HPSE2: variants seen among roughly 807,000 people sequenced by gnomAD.
The protein encoded by HPSE2 is heparanase 2 (inactive).
In HPSE2, 38 loss-of-function variants were observed where a neutral mutation model predicts 60.5. The ratio of observed to expected loss-of-function variants is 0.63; its 90% CI spans 0.48 to 0.82. The LOEUF (loss-of-function observed/expected upper bound fraction) is 0.82, where lower values mean the gene tolerates loss of function less well. Among genes scored for constraint, HPSE2 ranks in the 40% least tolerant of loss-of-function variants. HPSE2 has a pLI of 0.00. For synonymous variants in HPSE2, 295 were observed against 293.2 expected (o/e 1.01, Z -0.06); for missense variants, 713 against 740.4 (o/e 0.96, Z 0.43).
intron 4 of HPSE2, among the ~76,000 whole-genome samples, chr10:98,742,499 G>A (rs1354800661): frequency 6.6e-6 from 1 of 151,908 alleles, no homozygotes; most frequent in East Asian, 1.9e-4. Flanking sequence ...GTAATTTTAA[G>A]AGAATTCTTG....
At chr10:99,197,854 A>C (rs961918269) in intron 2 of HPSE2, among the ~76,000 whole-genome samples, 3 of 152,180 alleles carry the variant, frequency 2.0e-5, no homozygotes, top group Admixed American at 6.5e-5. Flanking sequence ...TGAGATCAGG[A>C]GTTTGAGACC....
At chr10:99,308,794 G>A in the HPSE2 span, among the ~76,000 whole-genome samples, 64 of 152,226 alleles carry the variant, frequency 4.2e-4, no homozygotes, top group African/African-American at 1.3e-3. Context: ...GCATTCCTAC[G>A]TGGGATGATA....
chr10:98,800,917 A>T (rs1950891461), intron 3 of HPSE2, among the ~76,000 whole-genome samples: 1 of 152,208 alleles, frequency 6.6e-6, no homozygotes, highest in Non-Finnish European at 1.5e-5. Flanking sequence ...ACAAAGACAC[A>T]TCAAAAACAG....
chr10:98,775,465 T>G (rs1455606843), intron 3 of HPSE2, among the ~76,000 whole-genome samples: 1 of 152,198 alleles, frequency 6.6e-6, no homozygotes, highest in Non-Finnish European at 1.5e-5. Context: ...CTAGTCTAGT[T>G]GGGGCAAATG....
In HPSE2 at chr10:98,649,523, T is replaced by C. The variant is rs1946862500; in HGVS notation, c.1005-7583A>G. On this transcript the variant is annotated intron_variant, in intron 6 of 11. Coordinates refer to ENST00000370552, the MANE Select transcript of HPSE2 (RefSeq NM_021828.5). ...TACAGCACCATGCTTATTTCATTGG[T>C]CCTGTAATCAAGTAAAATTGTTTTT... Among the ~76,000 whole-genome samples, 4 of 152,190 alleles carry C rather than the reference T, an allele frequency of 2.6e-5. No individual in the cohort carries two copies. The South Asian group carries it at 8.3e-4, about 31-fold the overall frequency.
intron 3 of HPSE2, among the ~76,000 whole-genome samples, chr10:98,855,220 G>A (rs1952281960): frequency 6.6e-6 from 1 of 152,170 alleles, no homozygotes; most frequent in Non-Finnish European, 1.5e-5. Flanking sequence ...GGACTAGTAT[G>A]AGTGTATAGA....
intron 2 of HPSE2, among the ~76,000 whole-genome samples, chr10:99,213,502 T>G (rs949763228): frequency 1.3e-5 from 2 of 152,174 alleles, no homozygotes; most frequent in Non-Finnish European, 2.9e-5. Flanking sequence ...AACACCATTT[T>G]CTTTGAGACA....
chr10:98,886,076 C>A (rs1351988971), intron 3 of HPSE2, among the ~76,000 whole-genome samples: 1 of 151,992 alleles, frequency 6.6e-6, no homozygotes, highest in Non-Finnish European at 1.5e-5. Flanking sequence ...CTAAAAATTT[C>A]TTTTGAGGTA....
rs987321037 is a variant in HPSE2, at chr10:98,464,339, C to A, written c.1614-4600G>T. Among the ~76,000 whole-genome samples the A allele has an allele frequency of 2.6e-5, 4 of 152,270 alleles. No individual in the cohort carries two copies. In the South Asian group the frequency reaches 8.3e-4, roughly 32 times the overall value. ...TTGACATTTAAAAGGAACCCACATG[C>A]TTGAAGAGGCCAAGCCCCCGTGCCC... On this transcript the variant is annotated intron_variant, in intron 11 of 11. Coordinates refer to ENST00000370552, the MANE Select transcript of HPSE2 (RefSeq NM_021828.5).
intron 3 of HPSE2, among the ~76,000 whole-genome samples, chr10:98,847,858 C>G (rs1272463020): frequency 6.6e-6 from 1 of 152,172 alleles, no homozygotes; most frequent in African/African-American, 2.4e-5. Flanking sequence ...GGTCCCTTTA[C>G]TATTTGTGGA....
At position 98,751,498 on chromosome 10, in the gene HPSE2, C is replaced by T. The variant is rs573507569; in HGVS notation, c.611-7442G>A. On this transcript the variant is annotated intron_variant, in intron 3 of 11. Transcript: ENST00000370552. ...GACTATTTTATTCTTTTGCAACCTT[C>T]ACATGAAGAAAGAGTGTTTTTTCTG... Among the ~76,000 whole-genome samples the T allele has an allele frequency of 2.0e-5, 3 of 152,290 alleles. No homozygotes were observed. In the South Asian group the frequency reaches 6.2e-4, roughly 32 times the overall value.
At chr10:98,597,174 T>C (rs1015794005) in intron 9 of HPSE2, among the ~76,000 whole-genome samples, 4 of 152,056 alleles carry the variant, frequency 2.6e-5, no homozygotes, top group Admixed American at 2.6e-4. Context: ...CTACAACACA[T>C]GGGGATTACG....
At chr10:98,663,073 A>G (rs1448643186) in intron 6 of HPSE2, among the ~76,000 whole-genome samples, 1 of 152,200 alleles carries the variant, frequency 6.6e-6, no homozygotes, top group Non-Finnish European at 1.5e-5. Flanking sequence ...ATGAACACAC[A>G]TAAGGGCAGG....
At chr10:98,987,234 G>A (rs139860888) in intron 3 of HPSE2, among the ~76,000 whole-genome samples, 122 of 152,100 alleles carry the variant, frequency 8.0e-4, no homozygotes, top group Admixed American at 1.4e-3. Flanking sequence ...GAACATCGAC[G>A]CAAAAATCCT....
chr10:99,167,909 T>G lies in HPSE2; in HGVS notation c.449-23510A>C, dbSNP rs1847148169. 2.6e-5 allele frequency among the ~76,000 whole-genome samples: 4 copies of G among 152,230 alleles called. No homozygotes were observed. In the South Asian group the frequency reaches 8.3e-4, roughly 32 times the overall value. ...TCTCTCTCTCTCTCTCTCATTTGAT[T>G]TCTTTCACCACTTTTTGTAGTTTTC... On this transcript the variant is annotated intron_variant, in intron 2 of 11. Transcript: ENST00000370552.
intron 2 of HPSE2, among the ~76,000 whole-genome samples, chr10:99,147,421 A>C (rs1355983049): frequency 6.6e-6 from 1 of 152,226 alleles, no homozygotes; most frequent in East Asian, 1.9e-4. Context: ...GAGAGTTTCA[A>C]TTACCCTGAT....
At chr10:98,943,034 G>C (rs1309972148) in intron 3 of HPSE2, among the ~76,000 whole-genome samples, 4 of 136,212 alleles carry the variant, frequency 2.9e-5, no homozygotes, top group African/African-American at 1.1e-4. Context: ...TGAACTATGA[G>C]AACACATGGA....
At chr10:98,549,755 C>A (rs909713157) in intron 9 of HPSE2, among the ~76,000 whole-genome samples, 3 of 152,178 alleles carry the variant, frequency 2.0e-5, no homozygotes, top group Non-Finnish European at 4.4e-5. Flanking sequence ...CCAACAATTT[C>A]CTCCTTCTTG....
chr10:98,566,902 T>A lies in HPSE2; in HGVS notation c.1320+48002A>T, dbSNP rs542857672. 2.0e-5 allele frequency among the ~76,000 whole-genome samples: 3 copies of A among 152,318 alleles called. No homozygotes were observed. In the East Asian group the frequency reaches 5.8e-4, roughly 29 times the overall value. On this transcript the variant is annotated intron_variant, in intron 9 of 11. Transcript: ENST00000370552. ...AGAATTATAGAAGGTCAAATTCTTC[T>A]CAATAAAAGATATTTTTCCCCTCAT...
Sources: allele counts gnomAD v4.1 joint callset (sites outside exome capture counted in the v4.1 genomes callset), GRCh38; gene constraint gnomAD v4.1.1; transcripts MANE v1.5; gene names NCBI Gene and HGNC (gene_info 2026-07-23, HGNC 2026-07-21).